The following SUCLA2 variants were observed in gnomAD, a reference collection of about 807,000 sequenced individuals.
SUCLA2 encodes succinate-CoA ligase ADP-forming subunit beta, also known as succinate--CoA ligase [ADP-forming] subunit beta, mitochondrial.
SUCLA2 carries 30 observed loss-of-function variants against 54.8 expected under a neutral mutation model. The ratio of observed to expected loss-of-function variants is 0.55; its 90% CI spans 0.41 to 0.74. The LOEUF (loss-of-function observed/expected upper bound fraction) is 0.74, where lower values mean the gene tolerates loss of function less well. SUCLA2 is among the 30% of genes least tolerant of loss of function. SUCLA2 has a pLI of 0.00. For missense variants in SUCLA2, 476 were observed against 562.9 expected (o/e 0.85, Z 1.56); for synonymous variants, 172 against 188.9 (o/e 0.91, Z 0.74).
intron 6 of SUCLA2, among the ~76,000 whole-genome samples, chr13:47,955,558 T>G (rs1022432892): frequency 3.9e-5 from 6 of 152,072 alleles, no homozygotes; most frequent in Non-Finnish European, 7.4e-5. Flanking sequence ...TTTTAAAGGA[T>G]TATGAAGTCA....
chr13:47,954,508 G>T lies in SUCLA2; in HGVS notation c.852C>A (p.Arg284=). The T allele has an allele frequency of 1.9e-6, 3 of 1,613,804 alleles. No homozygotes were observed. Among genetic ancestry groups the T allele is most frequent in the Non-Finnish European group, 2.5e-6 (3 of 1,179,826 alleles). The stretch of plus-strand genomic sequence containing the variant: ...CCTGTAGATCAAAGATTTTCTTTTG[G>T]CGATAGGCTGAATTAGAGTCAAAAT... ...KINFDSNSAY[R]QKKIFDLQDW... Residue 284 remains arginine (R), a synonymous_variant, in exon 7 of 11, where the codon CGC becomes CGA. Transcript: ENST00000646932.
At chr13:47,956,079 G>A (rs1949818713) in intron 6 of SUCLA2, among the ~76,000 whole-genome samples, 1 of 152,000 alleles carries the variant, frequency 6.6e-6, no homozygotes, top group South Asian at 2.1e-4. Context: ...CTAGTAAAGA[G>A]AAGAAACAGT....
chr13:47,992,388 CAAAAA>C (rs35103136), intron 2 of SUCLA2, among the ~76,000 whole-genome samples: 14 of 93,074 alleles, frequency 1.5e-4, no homozygotes, highest in Non-Finnish European at 2.4e-4. Flanking sequence ...ACAACGAAAG[CAAAAA>C]AAAAAAAAAA....
intron 4 of SUCLA2, among the ~76,000 whole-genome samples, chr13:47,984,870 A>G (rs1039471395): frequency 1.1e-4 from 16 of 152,372 alleles, no homozygotes; most frequent in African/African-American, 3.8e-4. Flanking sequence ...TAACTATTTC[A>G]GGTAAAGTCA....
intron 4 of SUCLA2, chr13:47,987,795 G>A (rs1270438282): frequency 2.0e-5 from 3 of 151,920 alleles, no homozygotes; most frequent in East Asian, 1.9e-4. Context: ...CATGAAATCC[G>A]TACTGGGGCT....
intron 6 of SUCLA2, 73 bp downstream of exon 6, chr13:47,968,522 G>T: frequency 6.4e-7 from 1 of 1,565,736 alleles, no homozygotes; most frequent in Non-Finnish European, 8.7e-7. Flanking sequence ...TAACTTCTAT[G>T]ATTTAACTTC....
chr13:47,945,697 C>G (rs1949725855), intron 10 of SUCLA2: 1 of 150,774 alleles, frequency 6.6e-6, no homozygotes, highest in South Asian at 2.1e-4. Context: ...AAGTCCCCCC[C>G]TTATCCAATT....
chr13:47,996,229 A>G (rs1950189517), intron 2 of SUCLA2, among the ~76,000 whole-genome samples: 1 of 151,404 alleles, frequency 6.6e-6, no homozygotes, highest in Non-Finnish European at 1.5e-5. Flanking sequence ...AGGCTGAGGC[A>G]GGAGAATCCC....
chr13:47,964,762 C>T (rs1949903896), intron 6 of SUCLA2, among the ~76,000 whole-genome samples: 1 of 151,990 alleles, frequency 6.6e-6, no homozygotes, highest in Admixed American at 6.6e-5. Context: ...GAGGCTGAGG[C>T]AGGAGAACGG....
intron 5 of SUCLA2, among the ~76,000 whole-genome samples, chr13:47,970,616 C>T (rs539106925): frequency 2.0e-5 from 3 of 152,182 alleles, no homozygotes; most frequent in Non-Finnish European, 4.4e-5. Flanking sequence ...AATCCCAGCA[C>T]TTTGGAAGGC....
At chr13:47,952,626 C>G (rs961779041) in intron 8 of SUCLA2, among the ~76,000 whole-genome samples, 1 of 152,016 alleles carries the variant, frequency 6.6e-6, no homozygotes, top group Non-Finnish European at 1.5e-5. Context: ...TTTAATGACC[C>G]TATCTCAGAA....
chr13:47,975,161 T>C (rs1199466768), intron 4 of SUCLA2, among the ~76,000 whole-genome samples: 4 of 146,550 alleles, frequency 2.7e-5, no homozygotes, highest in Admixed American at 2.0e-4. Context: ...TCTTTCTTTC[T>C]TTTCTTTTTT....
At chr13:47,958,410 T>C (rs1949838838) in intron 6 of SUCLA2, among the ~76,000 whole-genome samples, 1 of 152,238 alleles carries the variant, frequency 6.6e-6, no homozygotes, top group Non-Finnish European at 1.5e-5. Flanking sequence ...TATTGTTATA[T>C]GTTGTGTCTA....
intron 4 of SUCLA2, among the ~76,000 whole-genome samples, chr13:47,976,900 A>G (rs1223784072): frequency 6.6e-6 from 1 of 152,074 alleles, no homozygotes; most frequent in Non-Finnish European, 1.5e-5. Context: ...CTCAACCTAT[A>G]TTTATACCAC....
intron 6 of SUCLA2, among the ~76,000 whole-genome samples, chr13:47,956,356 T>C (rs1593481028): frequency 6.6e-6 from 1 of 151,028 alleles, no homozygotes; most frequent in Non-Finnish European, 1.5e-5. Context: ...AATTATCCAA[T>C]CTGCAGGAAG....
chr13:47,985,692 G>C (rs1950097171), intron 4 of SUCLA2, among the ~76,000 whole-genome samples: 1 of 152,078 alleles, frequency 6.6e-6, no homozygotes, highest in African/African-American at 2.4e-5. Context: ...GTGCTGCAGT[G>C]AACATACCGA....
chr13:47,949,399 A>G, intron 9 of SUCLA2, 84 bp downstream of exon 9: 1 of 1,495,084 alleles, frequency 6.7e-7, no homozygotes, highest in Non-Finnish European at 9.3e-7. Context: ...GCTATTTAAA[A>G]ACTATGTTTT....
At chr13:47,956,000 T>C (rs913889860) in intron 6 of SUCLA2, among the ~76,000 whole-genome samples, 12 of 152,150 alleles carry the variant, frequency 7.9e-5, no homozygotes, top group African/African-American at 2.4e-4. Context: ...CTTTACACCA[T>C]AGCTCCCAAA....
chr13:47,943,766 G>GTGTGTATATATATATATATATATATA (rs1300486540), intron 10 of SUCLA2, among the ~76,000 whole-genome samples: 3 of 139,672 alleles, frequency 2.1e-5, no homozygotes, highest in African/African-American at 8.1e-5. Flanking sequence ...GTGTGTGTGT[G>GTGTGTATATATATATATATATATATA]TATATATATA....
Sources: gnomAD v4.1 joint callset for allele counts (sites outside exome capture counted in the v4.1 genomes callset) on GRCh38, gnomAD v4.1.1 for gene constraint, MANE v1.5 for transcripts, NCBI Gene and HGNC (gene_info 2026-07-23, HGNC 2026-07-21) for gene names.